The following PDE7B variants were observed in gnomAD, a reference collection of about 807,000 sequenced individuals.
The protein encoded by PDE7B is 3',5'-cyclic-AMP phosphodiesterase 7B.
PDE7B carries 29 observed loss-of-function variants against 56.2 expected under a neutral mutation model. That is an observed-to-expected ratio of 0.52 (90% confidence interval 0.38 to 0.70). The LOEUF (loss-of-function observed/expected upper bound fraction) is 0.70, where lower values mean the gene tolerates loss of function less well. Among genes scored for constraint, PDE7B ranks in the 30% least tolerant of loss-of-function variants. The pLI, the probability that PDE7B is intolerant of heterozygous loss-of-function variation, is 0.00. For synonymous variants in PDE7B, 197 were observed against 196.9 expected, an observed-to-expected ratio of 1.00 and a Z score of 0.00; for missense variants, 490 against 565.0, an observed-to-expected ratio of 0.87 and a Z score of 1.35.
At chr6:135,857,488 G>GT (rs1249657467) in intron 1 of PDE7B, among the ~76,000 whole-genome samples, 3 of 152,090 alleles carry the variant, frequency 2.0e-5, no homozygotes, top group Non-Finnish European at 4.4e-5. Flanking sequence ...TCCAGGACTA[G>GT]TATGGTGTGA....
At chr6:136,092,370 A>T (rs1374638261) in intron 2 of PDE7B, among the ~76,000 whole-genome samples, 1 of 152,192 alleles carries the variant, frequency 6.6e-6, no homozygotes, top group Non-Finnish European at 1.5e-5. Context: ...AATCTAGTGG[A>T]ATTATGAAGA....
intron 3 of PDE7B, among the ~76,000 whole-genome samples, chr6:136,143,562 G>T (rs1778364361): frequency 6.6e-6 from 1 of 151,844 alleles, no homozygotes; most frequent in African/African-American, 2.4e-5. Flanking sequence ...ATCCAAAGAG[G>T]TCTGCATTCT....
rs1476815054 is a variant in PDE7B, at chr6:136,130,919, T to C, written c.167-16432T>C. On this transcript the variant is annotated intron_variant, in intron 3 of 12. Transcript: ENST00000308191. ...CATCAGATCTCATGAGACTTATTTA[T>C]TACCATGAGAACAGTATGGGGAAAA... 2.6e-5 allele frequency among the ~76,000 whole-genome samples: 4 copies of C among 152,166 alleles called. No individual in the cohort carries two copies. The South Asian group carries it at 6.2e-4, about 24-fold the overall frequency.
intron 3 of PDE7B, among the ~76,000 whole-genome samples, chr6:136,109,122 G>A (rs1777704355): frequency 6.6e-6 from 1 of 152,214 alleles, no homozygotes; most frequent in South Asian, 2.1e-4. Flanking sequence ...GCCAAGGTGG[G>A]AGGATTGCTT....
At position 135,915,037 on chromosome 6, in the gene PDE7B, G is replaced by A. The variant is rs375633889; in HGVS notation, c.22-32427G>A. Among the ~76,000 whole-genome samples, 3 of 151,228 alleles carry A rather than the reference G, an allele frequency of 2.0e-5. No individual in the cohort carries two copies. The East Asian group carries it at 5.8e-4, about 29-fold the overall frequency. Reference sequence around the variant, plus strand: ...GAACGCAGGAGGTGGAGGTTGCAGTGAGCCAATATTGTACTACTGCACTCC... The same window carrying A: ...GAACGCAGGAGGTGGAGGTTGCAGTAAGCCAATATTGTACTACTGCACTCC... On this transcript the variant is annotated intron_variant, in intron 1 of 12. Coordinates refer to ENST00000308191, the MANE Select transcript of PDE7B (RefSeq NM_018945.4).
chr6:136,018,112 T>C (rs1386520093), intron 2 of PDE7B, among the ~76,000 whole-genome samples: 5 of 152,224 alleles, frequency 3.3e-5, no homozygotes, highest in African/African-American at 1.2e-4. Context: ...ATTTTATCTA[T>C]AGTTTCCATG....
At chr6:135,933,586 T>C (rs1774331034) in intron 1 of PDE7B, among the ~76,000 whole-genome samples, 1 of 152,254 alleles carries the variant, frequency 6.6e-6, no homozygotes, top group Non-Finnish European at 1.5e-5. Flanking sequence ...TTTGCTATTA[T>C]TGTGTTCAAT....
In PDE7B at chr6:136,120,595, T is replaced by C. The variant is rs1187685829; in HGVS notation, c.166+11781T>C. On this transcript the variant is annotated intron_variant, in intron 3 of 12. Coordinates refer to ENST00000308191, the MANE Select transcript of PDE7B (RefSeq NM_018945.4). ...AACGCAGGGGGTTTGGTAGGTTTCA[T>C]AGCAGAAAAGTAAGGAATTTCCCAT... 3.3e-5 allele frequency among the ~76,000 whole-genome samples: 5 copies of C among 152,302 alleles called. No individual in the cohort carries two copies. In the South Asian group the frequency reaches 1.0e-3, roughly 32 times the overall value.
chr6:135,943,730 C>T (rs1327192836), intron 1 of PDE7B, among the ~76,000 whole-genome samples: 1 of 152,142 alleles, frequency 6.6e-6, no homozygotes, highest in Non-Finnish European at 1.5e-5. Context: ...CTACCTAATC[C>T]ACAAAGATTT....
At position 136,100,206 on chromosome 6, in the gene PDE7B, G is replaced by A. The variant is rs150053472; in HGVS notation, c.83-8525G>A. ...GTAGTATAGTTTGCAGTCAGGTAACGTGATGCCCCCAGCTTTGTTCTCTTT... is the reference window on the plus strand; with the variant it reads ...GTAGTATAGTTTGCAGTCAGGTAACATGATGCCCCCAGCTTTGTTCTCTTT... On this transcript the variant is annotated intron_variant, in intron 2 of 12. Transcript: ENST00000308191. Among the ~76,000 whole-genome samples the A allele has an allele frequency of 5.6e-3, 857 of 152,260 alleles. 4 individuals are homozygous for A. Among genetic ancestry groups the A allele is most frequent in the Non-Finnish European group, 9.6e-3 (656 of 68,014 alleles).
At chr6:135,865,918 A>G (rs773964993) in intron 1 of PDE7B, among the ~76,000 whole-genome samples, 14 of 152,210 alleles carry the variant, frequency 9.2e-5, no homozygotes, top group Non-Finnish European at 1.9e-4. Flanking sequence ...AGTGAGGAGT[A>G]GTGAATAGTG....
chr6:136,094,663 A>G (rs1422884628), intron 2 of PDE7B: 1 of 152,194 alleles, frequency 6.6e-6, no homozygotes, highest in Non-Finnish European at 1.5e-5. Context: ...ATAGAGGGCA[A>G]TTTACTTATT....
chr6:135,882,917 GTTTTTCACCATT>G (rs1775634886), intron 1 of PDE7B, among the ~76,000 whole-genome samples: 1 of 152,100 alleles, frequency 6.6e-6, no homozygotes, highest in African/African-American at 2.4e-5. Flanking sequence ...ATCCATTTCT[GTTTTTCACCATT>G]GGTACAAAAG....
chr6:136,034,378 A>G (rs900607159), intron 2 of PDE7B: 20 of 152,188 alleles, frequency 1.3e-4, no homozygotes, highest in Non-Finnish European at 2.4e-4. Flanking sequence ...GGGGTTATCA[A>G]TTCTTTTATA....
rs1267030150 is a variant in PDE7B, at chr6:136,194,722, C to G, written c.*2882C>G. 1 of 152,240 alleles carries G rather than the reference C, an allele frequency of 6.6e-6. No individual in the cohort carries two copies. Among genetic ancestry groups the G allele is most frequent in the African/African-American group, 2.4e-5 (1 of 41,448 alleles). 9.4% of individuals were successfully genotyped at this position (152,240 alleles called of 1,614,324 possible). A position where few individuals can be genotyped will look rare whatever the true frequency, so the allele number is the denominator to read the frequency against. On this transcript the variant is annotated 3_prime_UTR_variant, in exon 13 of 13. Coordinates refer to ENST00000308191, the MANE Select transcript of PDE7B (RefSeq NM_018945.4). ...TCTGGCCAACATGGTGAAACCCCGT[C>G]TCTACTAAAAATACAAAAATTAGCT...
chr6:135,979,360 C>A (rs1036152387), intron 2 of PDE7B, among the ~76,000 whole-genome samples: 14 of 151,816 alleles, frequency 9.2e-5, no homozygotes, highest in South Asian at 4.2e-4. Context: ...TGTCTCTGCC[C>A]GGCTTTGGTA....
intron 3 of PDE7B, among the ~76,000 whole-genome samples, chr6:136,137,703 C>A (rs548384384): frequency 6.6e-6 from 1 of 152,016 alleles, no homozygotes; most frequent in Non-Finnish European, 1.5e-5. Context: ...AATTAATCAG[C>A]CCCTATACAG....
intron 1 of PDE7B, among the ~76,000 whole-genome samples, chr6:135,872,749 T>G (rs1025857536): frequency 6.6e-6 from 1 of 152,208 alleles, no homozygotes; most frequent in African/African-American, 2.4e-5. Context: ...AAATTTTGTC[T>G]GAAAATTTAC....
chr6:136,132,438 GA>G (rs1339531325), intron 3 of PDE7B, among the ~76,000 whole-genome samples: 1 of 152,114 alleles, frequency 6.6e-6, no homozygotes, highest in African/African-American at 2.4e-5. Flanking sequence ...TTCAAGGTCA[GA>G]AAGACCCAGG....
Sources: gnomAD v4.1 joint callset for allele counts (sites outside exome capture counted in the v4.1 genomes callset) on GRCh38, gnomAD v4.1.1 for gene constraint, MANE v1.5 for transcripts, NCBI Gene and HGNC (gene_info 2026-07-23, HGNC 2026-07-21) for gene names.